Variants in ADGRL3 observed in about 807,000 individuals in gnomAD.
ADGRL3 encodes adhesion G protein-coupled receptor L3.
ADGRL3 carries 62 observed loss-of-function variants against 153.5 expected under a neutral mutation model. The ratio of observed to expected loss-of-function variants is 0.40; its 90% CI spans 0.33 to 0.50. The LOEUF is 0.50. Among genes scored for constraint, ADGRL3 ranks in the 20% least tolerant of loss-of-function variants. The pLI is 0.47. For missense variants in ADGRL3, 1,641 were observed against 1,859.4 expected (o/e 0.88, Z 2.16); for synonymous variants, 710 against 672.5 (o/e 1.06, Z -0.86).
At chr4:61,288,730 G>A (rs1560430009) in intron 1 of ADGRL3, among the ~76,000 whole-genome samples, 1 of 151,984 alleles carries the variant, frequency 6.6e-6, no homozygotes, top group Non-Finnish European at 1.5e-5. Context: ...AAGTAAATAA[G>A]AGATAGCTCC....
intron 6 of ADGRL3, among the ~76,000 whole-genome samples, chr4:61,728,127 C>T (rs568714722): frequency 9.9e-5 from 15 of 151,970 alleles, no homozygotes; most frequent in Admixed American, 3.9e-4. Context: ...GATTTGTGTG[C>T]GCTTGTTTCA....
intron 4 of ADGRL3, among the ~76,000 whole-genome samples, chr4:61,529,474 C>G (rs1282524351): frequency 6.6e-6 from 1 of 152,132 alleles, no homozygotes; most frequent in Non-Finnish European, 1.5e-5. Context: ...TTCTTTCACT[C>G]CCAAAGTGTC....
At chr4:61,767,747 G>A (rs1284941007) in intron 8 of ADGRL3, among the ~76,000 whole-genome samples, 3 of 152,166 alleles carry the variant, frequency 2.0e-5, no homozygotes, top group East Asian at 3.9e-4. Flanking sequence ...TTTCCGGCAT[G>A]TGTAGCAAGT....
chr4:61,216,128 C>T (rs907364450), intron 1 of ADGRL3, among the ~76,000 whole-genome samples: 6 of 151,942 alleles, frequency 3.9e-5, no homozygotes, highest in Admixed American at 1.3e-4. Flanking sequence ...TTTCTTCCTT[C>T]GTTAAGAGCT....
intron 2 of ADGRL3, among the ~76,000 whole-genome samples, chr4:61,446,744 G>A (rs2097586678): frequency 1.3e-5 from 2 of 152,186 alleles, no homozygotes; most frequent in African/African-American, 4.8e-5. Context: ...AGAAGCAGGT[G>A]TGCTAGGTAT....
At chr4:61,389,363 G>C (rs147490020) in intron 2 of ADGRL3, among the ~76,000 whole-genome samples, 1 of 152,328 alleles carries the variant, frequency 6.6e-6, no homozygotes, top group East Asian at 1.9e-4. Flanking sequence ...CCCTGTTTGT[G>C]ATGGGGCCAT....
At chr4:61,612,740 C>T (rs2149706065) in intron 5 of ADGRL3, among the ~76,000 whole-genome samples, 1 of 152,092 alleles carries the variant, frequency 6.6e-6, no homozygotes, top group Non-Finnish European at 1.5e-5. Context: ...GAATAAAGGG[C>T]CATTTATAGG....
intron 1 of ADGRL3, among the ~76,000 whole-genome samples, chr4:61,340,830 G>GTATATATA (rs533433677): frequency 6.8e-6 from 1 of 148,004 alleles, no homozygotes; most frequent in African/African-American, 2.5e-5. Context: ...GTGTGTTTGT[G>GTATATATA]TATATATATA....
At chr4:61,463,431 G>A (rs2097846363) in intron 2 of ADGRL3, among the ~76,000 whole-genome samples, 1 of 152,046 alleles carries the variant, frequency 6.6e-6, no homozygotes, top group South Asian at 2.1e-4. Flanking sequence ...GAGAAGTGCT[G>A]CAGACTTTTA....
chr4:61,971,999 G>T (rs2099029739), intron 17 of ADGRL3, among the ~76,000 whole-genome samples: 1 of 151,818 alleles, frequency 6.6e-6, no homozygotes, highest in Admixed American at 6.6e-5. Flanking sequence ...CTTTTTGATG[G>T]GGTTGTTTGT....
At chr4:61,512,686 T>C (rs2098470073) in intron 3 of ADGRL3, among the ~76,000 whole-genome samples, 1 of 152,132 alleles carries the variant, frequency 6.6e-6, no homozygotes, top group Non-Finnish European at 1.5e-5. Context: ...AATGTGATTA[T>C]CATTTTATAT....
At chr4:61,375,514 A>G (rs2096593160) in intron 1 of ADGRL3, among the ~76,000 whole-genome samples, 1 of 152,054 alleles carries the variant, frequency 6.6e-6, no homozygotes, top group Non-Finnish European at 1.5e-5. Context: ...TCTGACTTAC[A>G]CTGTCCCAGC....
In ADGRL3 at chr4:61,452,019, A is replaced by T. The variant is rs551714004; in HGVS notation, c.-173-45102A>T. 2.0e-5 allele frequency among the ~76,000 whole-genome samples: 3 copies of T among 152,298 alleles called. No individual in the cohort carries two copies. In the South Asian group the frequency reaches 6.2e-4, roughly 32 times the overall value. ...TACATAAATCAAATAACTGGTTGTG[A>T]TAGATGTTGTATTCATTGTTCAGAT... On this transcript the variant is annotated intron_variant, in intron 2 of 26. Transcript: ENST00000683033.
At chr4:61,896,014 A>C (rs1205252006) in intron 11 of ADGRL3, among the ~76,000 whole-genome samples, 180 bp downstream of exon 11, 2 of 152,158 alleles carry the variant, frequency 1.3e-5, no homozygotes, top group African/African-American at 4.8e-5. Flanking sequence ...TTTAAAGTGC[A>C]AATCCATGAA....
intron 8 of ADGRL3, among the ~76,000 whole-genome samples, chr4:61,798,119 C>T (rs2152468029): frequency 6.6e-6 from 1 of 152,242 alleles, no homozygotes; most frequent in East Asian, 1.9e-4. Flanking sequence ...AGTAGGGTAG[C>T]ATGAATTTTC....
chr4:61,767,256 T>G (rs1440920052), intron 8 of ADGRL3, among the ~76,000 whole-genome samples: 1 of 151,920 alleles, frequency 6.6e-6, no homozygotes, highest in Non-Finnish European at 1.5e-5. Flanking sequence ...GATAATTTAG[T>G]TAAAGTGTCT....
chr4:61,281,798 C>T (rs193202769), intron 1 of ADGRL3, among the ~76,000 whole-genome samples: 84 of 152,180 alleles, frequency 5.5e-4, no homozygotes, highest in Non-Finnish European at 5.7e-4. Context: ...AAAACCATAA[C>T]ATTGATTTGG....
chr4:61,235,303 A>G (rs1052735062), intron 1 of ADGRL3, among the ~76,000 whole-genome samples: 1 of 152,154 alleles, frequency 6.6e-6, no homozygotes, highest in African/African-American at 2.4e-5. Flanking sequence ...TAATTAAGAA[A>G]GGGTTGAGAA....
At chr4:62,042,321 G>A (rs1410817290) in intron 24 of ADGRL3, among the ~76,000 whole-genome samples, 1 of 152,022 alleles carries the variant, frequency 6.6e-6, no homozygotes, top group Non-Finnish European at 1.5e-5. Context: ...GTTAGTGACT[G>A]TTGGGGGAAT....
Sources: gnomAD v4.1 joint callset for allele counts (sites outside exome capture counted in the v4.1 genomes callset) on GRCh38, gnomAD v4.1.1 for gene constraint, MANE v1.5 for transcripts, NCBI Gene and HGNC (gene_info 2026-07-23, HGNC 2026-07-21) for gene names.